Variants in URGCP observed in about 807,000 individuals in gnomAD.
URGCP encodes up-regulator of cell proliferation.
A neutral mutation model predicts 24.6 loss-of-function variants in URGCP; 13 were observed. That is an observed-to-expected ratio of 0.53 (90% CI 0.34 to 0.84). The LOEUF is 0.84. Among genes scored for constraint, URGCP ranks in the 40% least tolerant of loss-of-function variants. The probability of loss-of-function intolerance (pLI) is 0.01; values close to 1 mark genes in which losing one functional copy is unlikely to be tolerated. For missense variants in URGCP, 899 were observed against 1,194.3 expected (o/e 0.75, Z 3.64); for synonymous variants, 444 against 487.2 (o/e 0.91, Z 1.17).
At chr7:43,897,688 CCTGT>C (rs1309419585) in intron 1 of URGCP, among the ~76,000 whole-genome samples, 1 of 152,098 alleles carries the variant, frequency 6.6e-6, no homozygotes, top group Non-Finnish European at 1.5e-5. Flanking sequence ...GGGTGACAGG[CCTGT>C]CTATGTTACC....
intron 1 of URGCP, among the ~76,000 whole-genome samples, chr7:43,901,674 C>T (rs995110245): frequency 2.6e-5 from 4 of 152,168 alleles, no homozygotes; most frequent in African/African-American, 9.7e-5. Flanking sequence ...TTCCCCTTCC[C>T]CCAGTGTGGC....
At chr7:43,887,274 G>T (rs1335815957) in intron 3 of URGCP, 141 bp downstream of exon 3, 2 of 941,962 alleles carry the variant, frequency 2.1e-6, no homozygotes, top group African/African-American at 3.4e-5. Context: ...TCTTGTAAAA[G>T]GAAAAATAAA....
At chr7:43,918,462 G>A (rs570415759) in intron 1 of URGCP, among the ~76,000 whole-genome samples, 1 of 151,970 alleles carries the variant, frequency 6.6e-6, no homozygotes, top group East Asian at 1.9e-4. Flanking sequence ...TGTATTTTTA[G>A]TAGAGATGGG....
intron 1 of URGCP, chr7:43,889,549 T>C (rs138458338): frequency 6.6e-5 from 10 of 152,336 alleles, no homozygotes; most frequent in Admixed American, 5.2e-4. Context: ...TCACCATATA[T>C]GTTTTTCTGA....
Position 43,876,643 on chromosome 7 carries a change from C to A in URGCP, c.*24G>T. On this transcript the variant is annotated 3_prime_UTR_variant, in exon 6 of 6. Transcript: ENST00000453200. Reference sequence around the variant, plus strand: ...GGGCTGCCCACAGCAGCCTCCTACACCTGAACTGGGTTTCTCTGCACACTC... The same window carrying A: ...GGGCTGCCCACAGCAGCCTCCTACAACTGAACTGGGTTTCTCTGCACACTC... 6.2e-7 allele frequency: 1 copy of A among 1,604,970 alleles called. No individual in the cohort carries two copies. Among genetic ancestry groups the A allele is most frequent in the Non-Finnish European group, 8.5e-7 (1 of 1,174,852 alleles).
exon 1 of URGCP, chr7:43,926,382 C>G (rs2095930471): frequency 1.9e-6 from 1 of 524,350 alleles, no homozygotes; most frequent in African/African-American, 2.0e-5. Flanking sequence ...CGCCAGGACG[C>G]TCGGCACGCG....
chr7:43,907,186 A>C (rs955396834), upstream of URGCP: 1 of 152,190 alleles, frequency 6.6e-6, no homozygotes, highest in Non-Finnish European at 1.5e-5. Flanking sequence ...TTTCACAACT[A>C]TTCTTACAAG....
intron 3 of URGCP, among the ~76,000 whole-genome samples, chr7:43,884,788 G>A (rs1562575849): frequency 1.3e-5 from 2 of 152,118 alleles, no homozygotes; most frequent in Non-Finnish European, 2.9e-5. Context: ...GAGCTATGAT[G>A]GCCACCACTG....
At chr7:43,921,457 G>A (rs1332355756) in intron 1 of URGCP, among the ~76,000 whole-genome samples, 1 of 152,194 alleles carries the variant, frequency 6.6e-6, no homozygotes, top group Non-Finnish European at 1.5e-5. Flanking sequence ...TAATCCTTGA[G>A]AAATAAAAAC....
intron 1 of URGCP, chr7:43,918,728 C>G (rs922926329): frequency 1.3e-6 from 1 of 745,594 alleles, no homozygotes; most frequent in Non-Finnish European, 2.4e-6. Flanking sequence ...CACAATTGGG[C>G]CAGTGCAGCA....
chr7:43,904,693 TAAC>T (rs2095897833), intron 1 of URGCP, among the ~76,000 whole-genome samples: 1 of 152,226 alleles, frequency 6.6e-6, no homozygotes. Flanking sequence ...ATGAGTCACT[TAAC>T]AACAGGGATA....
At position 43,876,863 on chromosome 7, in the gene URGCP, A is replaced by T. The variant is rs1399879684; in HGVS notation, c.2600T>A (p.Phe867Tyr). The change falls in exon 6 of 6, where the codon TTC becomes TAC. Residue 867 changes from phenylalanine to tyrosine, a missense_variant. Transcript: ENST00000453200. ...DGFRALAGLA[F>Y]CDPEKQHIWH... ...GATGTGCTGCTTCTCAGGGTCGCAG[A>T]AGGCCAGGCCTGCCAGTGCCCGGAA... 8.7e-6 allele frequency: 14 copies of T among 1,614,086 alleles called. No homozygotes were observed. The highest frequency in any genetic ancestry group is 1.2e-5 in the Non-Finnish European group (14 of 1,180,028).
intron 1 of URGCP, among the ~76,000 whole-genome samples, chr7:43,916,345 C>T (rs1412597989): frequency 6.6e-6 from 1 of 152,030 alleles, no homozygotes; most frequent in Admixed American, 6.6e-5. Context: ...CAGAAGACAC[C>T]CCTTTTCTCT....
At chr7:43,899,576 T>C (rs1267832812) in intron 1 of URGCP, among the ~76,000 whole-genome samples, 1 of 152,102 alleles carries the variant, frequency 6.6e-6, no homozygotes, top group Non-Finnish European at 1.5e-5. Flanking sequence ...AAATAGAACA[T>C]AATAATTAAA....
chr7:43,911,559 T>C (rs2095910213), upstream of URGCP, among the ~76,000 whole-genome samples: 1 of 152,100 alleles, frequency 6.6e-6, no homozygotes, highest in African/African-American at 2.4e-5. Flanking sequence ...TAGCCAGGCG[T>C]GGCGGTGGAT....
Position 43,878,469 on chromosome 7 carries a change from C to G in URGCP, c.994G>C (p.Val332Leu). 6.2e-7 allele frequency: 1 copy of G among 1,614,192 alleles called. No individual in the cohort carries two copies. Among genetic ancestry groups the G allele is most frequent in the Non-Finnish European group, 8.5e-7 (1 of 1,180,044 alleles). The change falls in exon 6 of 6, where the codon GTG becomes CTG. Residue 332 changes from valine (V) to leucine (L), a missense_variant. Transcript: ENST00000453200. The surrounding 1 kb of genome is among the most constrained non-coding windows in gnomAD (Gnocchi z 5.6). ...TCACCTCTCAGGTTCAGAAAGGCCA[C>G]AGGTTCTGGGAAAATGTCCAAGTCC... ...REDLDIFPEP[V>L]AFLNLRGDIG...
upstream of URGCP, chr7:43,926,420 C>A: frequency 1.0e-6 from 1 of 964,854 alleles, no homozygotes; most frequent in Middle Eastern, 3.5e-4. Context: ...GTGCCCCGCG[C>A]GCGCAAGCGC....
At chr7:43,906,420 G>C in intron 1 of URGCP, 142 bp downstream of exon 1, 1 of 945,304 alleles carries the variant, frequency 1.1e-6, no homozygotes, top group African/African-American at 1.8e-5. Context: ...CCGTGGGCCT[G>C]GTGGGCCTGG....
chr7:43,891,971 G>A (rs1295749457), intron 1 of URGCP, among the ~76,000 whole-genome samples: 1 of 152,084 alleles, frequency 6.6e-6, no homozygotes, highest in African/African-American at 2.4e-5. Flanking sequence ...TAGTAGAGAT[G>A]CGGTTTCACC....
Sources: gnomAD v4.1 joint callset for allele counts (sites outside exome capture counted in the v4.1 genomes callset) on GRCh38, gnomAD v4.1.1 for gene constraint, Gnocchi (gnomAD v3.1) non-coding constraint, MANE v1.5 for transcripts, NCBI Gene and HGNC (gene_info 2026-07-23, HGNC 2026-07-21) for gene names.